Variants in CDKL1 observed in about 807,000 individuals in gnomAD.
The protein encoded by CDKL1 is cyclin-dependent kinase-like 1.
Under a neutral mutation model 42.0 loss-of-function variants are expected in CDKL1, and 41 were observed. That is an observed-to-expected ratio of 0.98 (90% CI 0.76 to 1.27). The LOEUF (loss-of-function observed/expected upper bound fraction) is 1.27, where lower values mean the gene tolerates loss of function less well. CDKL1 is among the 50% of genes most tolerant of loss of function. The pLI is 0.00. For synonymous variants in CDKL1, 153 were observed against 158.6 expected (o/e 0.96, Z 0.26); for missense variants, 394 against 428.4 (o/e 0.92, Z 0.71).
At position 50,327,414 on chromosome 14, in the gene CDKL1, C is replaced by T. The variant is rs1219557622; in HGVS notation, c.*2660G>A. ...GAGAAATGGCCCTGATTCTATTACT[C>T]TTATATGCCAGTTTGTTTATAGATT... On this transcript the variant is annotated 3_prime_UTR_variant, in exon 10 of 10. Coordinates refer to ENST00000395834, the MANE Select transcript of CDKL1 (RefSeq NM_004196.7). 6.9e-6 allele frequency: 1 copy of T among 145,218 alleles called. No homozygotes were observed. Among genetic ancestry groups the T allele is most frequent in the African/African-American group, 2.5e-5 (1 of 39,414 alleles). The allele number at this position is 145,218 out of a possible 1,614,324, so 9.0% of individuals were successfully genotyped here. A position where few individuals can be genotyped will look rare whatever the true frequency, so the allele number is the denominator to read the frequency against.
intron 3 of CDKL1, among the ~76,000 whole-genome samples, chr14:50,349,607 C>G (rs1659484766): frequency 6.6e-6 from 1 of 152,170 alleles, no homozygotes; most frequent in South Asian, 2.1e-4. Context: ...TCGCCATGCC[C>G]TCTGCCTCAT....
chr14:50,334,502 C>T, intron 8 of CDKL1, 63 bp downstream of exon 8: 5 of 915,214 alleles, frequency 5.5e-6, no homozygotes, highest in Non-Finnish European at 9.0e-6. Context: ...ATAAGTAATT[C>T]AGATTCCCCA....
intron 2 of CDKL1, chr14:50,378,136 G>A (rs768777164): frequency 8.8e-6 from 12 of 1,356,766 alleles, no homozygotes; most frequent in Non-Finnish European, 1.2e-5. Flanking sequence ...GCTAGGAAAA[G>A]CAACTCAGTT....
chr14:50,396,998 C>A, upstream of CDKL1: 1 of 1,069,036 alleles, frequency 9.4e-7, no homozygotes, highest in Non-Finnish European at 1.2e-6. Flanking sequence ...CCCGGCCGCC[C>A]TCCCGGCTGC....
chr14:50,396,885 T>G, upstream of CDKL1: 1 of 225,410 alleles, frequency 4.4e-6, no homozygotes, highest in Non-Finnish European at 8.4e-6. Flanking sequence ...CCAGCTCGGC[T>G]CGGCGTGGCT....
At position 50,341,232 on chromosome 14, in the gene CDKL1, G is replaced by GC; in HGVS notation, c.455-1dup (p.Thr152SerfsTer5). On this transcript the variant is annotated frameshift_variant and splice_region_variant. Transcript: ENST00000395834. LOFTEE classifies it high-confidence loss of function. ...GTCTGTATAGTAGTCACTCGGTCCA[G>GC]CTAGCCAGTGATGGAACATGGAAAA... 1 of 1,591,496 alleles carries GC rather than the reference G, an allele frequency of 6.3e-7. No homozygotes were observed. The highest frequency in any genetic ancestry group is 8.6e-7 in the Non-Finnish European group (1 of 1,164,830).
chr14:50,391,173 T>C (rs930631612), intron 2 of CDKL1, among the ~76,000 whole-genome samples: 2 of 152,136 alleles, frequency 1.3e-5, no homozygotes, highest in Non-Finnish European at 2.9e-5. Flanking sequence ...CCTGTTACCT[T>C]GTCTTTCTCT....
chr14:50,378,068 A>G, intron 2 of CDKL1: 1 of 991,826 alleles, frequency 1.0e-6, no homozygotes, highest in Non-Finnish European at 1.4e-6. Context: ...TAGGATAGGG[A>G]CATCTACGAG....
intron 3 of CDKL1, among the ~76,000 whole-genome samples, chr14:50,348,084 A>C (rs2033785581): frequency 6.6e-6 from 1 of 152,234 alleles, no homozygotes; most frequent in African/African-American, 2.4e-5. Context: ...AGGACAGGAG[A>C]AGAGATAACA....
At position 50,328,795 on chromosome 14, in the gene CDKL1, G is replaced by A. The variant is rs922230856; in HGVS notation, c.*1279C>T. On this transcript the variant is annotated 3_prime_UTR_variant, in exon 10 of 10. Transcript: ENST00000395834. Reference sequence around the variant, plus strand: ...ACGTGAGCCCAGGAGTTCAAGACCAGCCTGGGGAACATGGCAAAACCCTGC... The same window carrying A: ...ACGTGAGCCCAGGAGTTCAAGACCAACCTGGGGAACATGGCAAAACCCTGC... The A allele has an allele frequency of 5.9e-5, 9 of 152,010 alleles. No individual in the cohort carries two copies. The highest frequency in any genetic ancestry group is 1.3e-4 in the Non-Finnish European group (9 of 68,022). The allele number at this position is 152,010 out of a possible 1,614,324, so 9.4% of individuals were successfully genotyped here. A position where few individuals can be genotyped will look rare whatever the true frequency, so the allele number is the denominator to read the frequency against.
At chr14:50,396,967 C>T, upstream of CDKL1, 4 of 691,186 alleles carry the variant, frequency 5.8e-6, no homozygotes, top group Admixed American at 9.5e-5. Context: ...GCCCCAGCTT[C>T]CCACCCCCGG....
intron 2 of CDKL1, among the ~76,000 whole-genome samples, chr14:50,374,871 T>C (rs763150814): frequency 2.6e-5 from 4 of 152,010 alleles, no homozygotes; most frequent in Admixed American, 2.6e-4. Context: ...CATGGAGAAA[T>C]ACTCAACTTG....
chr14:50,365,833 T>C (rs1270333243), intron 2 of CDKL1, among the ~76,000 whole-genome samples: 2 of 152,246 alleles, frequency 1.3e-5, no homozygotes, highest in African/African-American at 4.8e-5. Flanking sequence ...GGCACTTGAT[T>C]TGCTGAGTCT....
chr14:50,373,324 G>A (rs555852130), intron 2 of CDKL1, among the ~76,000 whole-genome samples: 4 of 152,262 alleles, frequency 2.6e-5, no homozygotes, highest in East Asian at 1.9e-4. Flanking sequence ...ATATCAATAG[G>A]TAATAGAAGA....
At chr14:50,334,493 T>G in intron 8 of CDKL1, 72 bp downstream of exon 8, 1 of 873,292 alleles carries the variant, frequency 1.1e-6, no homozygotes, top group South Asian at 1.4e-5. Context: ...TGGATTGACA[T>G]AAGTAATTCA....
intron 8 of CDKL1, chr14:50,332,819 A>G (rs1258145689): frequency 1.5e-6 from 1 of 650,982 alleles, no homozygotes; most frequent in Non-Finnish European, 2.6e-6. Flanking sequence ...TGATATTTAC[A>G]CATGATAACA....
upstream of CDKL1, chr14:50,397,128 G>C: frequency 2.9e-6 from 4 of 1,365,258 alleles, no homozygotes; most frequent in Non-Finnish European, 3.9e-6. Context: ...CGTGCAAAGC[G>C]CAGCTGTAAC....
intron 2 of CDKL1, among the ~76,000 whole-genome samples, chr14:50,365,076 T>G (rs2034399480): frequency 6.6e-6 from 1 of 152,136 alleles, no homozygotes; most frequent in Non-Finnish European, 1.5e-5. Context: ...AATGATTCAT[T>G]AACTGAGAAT....
At chr14:50,377,746 G>C in intron 2 of CDKL1, 1 of 1,241,996 alleles carries the variant, frequency 8.1e-7, no homozygotes, top group Non-Finnish European at 1.0e-6. Context: ...TGGCACATGA[G>C]TGGTATGCGG....
Sources: allele counts gnomAD v4.1 joint callset (sites outside exome capture counted in the v4.1 genomes callset), GRCh38; gene constraint gnomAD v4.1.1; transcripts MANE v1.5; gene names NCBI Gene and HGNC (gene_info 2026-07-23, HGNC 2026-07-21).